The following MZT2B variants were observed in gnomAD, a reference collection of about 807,000 sequenced individuals.
MZT2B encodes the protein mitotic spindle organizing protein 2B.
Under a neutral mutation model 12.1 loss-of-function variants are expected in MZT2B, and 11 were observed. The observed-to-expected ratio is 0.91, with a 90% CI of 0.57 to 1.50. The LOEUF (loss-of-function observed/expected upper bound fraction) is 1.50, where lower values mean the gene tolerates loss of function less well. Among genes scored for constraint, MZT2B ranks in the 40% most tolerant of loss-of-function variants. The pLI, the probability that MZT2B is intolerant of heterozygous loss-of-function variation, is 0.00. For missense variants in MZT2B, 209 were observed against 227.7 expected (o/e 0.92, Z 0.53); for synonymous variants, 85 against 109.5 (o/e 0.78, Z 1.40).
chr2:130,190,624 T>A lies in MZT2B; in HGVS notation c.475T>A (p.Ter159LysextTer27), dbSNP rs1323318589. The A allele has an allele frequency of 1.2e-6, 2 of 1,603,984 alleles. No individual in the cohort carries two copies. Among genetic ancestry groups the A allele is most frequent in the Non-Finnish European group, 8.5e-7 (1 of 1,172,388 alleles). ...PGKSPTRGST* is the reference protein window; with the variant it reads ...PGKSPTRGSTK ...GAAGAGCCCTACACGGGGCAGCACC[T>A]AGGATGGGGCAGAGACTTGTTGCAT... is the stretch of plus-strand genomic sequence containing the variant. Residue 159 changes from the stop codon to lysine, a stop_lost, in exon 3 of 3, where the codon TAG (stop) becomes AAG (lysine). Transcript: ENST00000281871.
the MZT2B span, among the ~76,000 whole-genome samples, chr2:130,203,702 G>A: frequency 6.6e-6 from 1 of 152,092 alleles, no homozygotes; most frequent in Non-Finnish European, 1.5e-5. Context: ...TCCCACCTCA[G>A]CCTCCCAAAG....
downstream of MZT2B, chr2:130,194,060 G>C (rs768297311): frequency 8.7e-6 from 14 of 1,614,066 alleles, no homozygotes; most frequent in Non-Finnish European, 1.2e-5. Flanking sequence ...GCGGGGGTAC[G>C]GCACGAGGTT....
upstream of MZT2B, chr2:130,181,863 T>TG: frequency 1.4e-6 from 2 of 1,438,642 alleles, no homozygotes; most frequent in Non-Finnish European, 9.4e-7. Flanking sequence ...GCCCCCCCCT[T>TG]CCCCCCGCCC....
downstream of MZT2B, chr2:130,191,674 G>A (rs1010865143): frequency 1.9e-5 from 26 of 1,354,932 alleles, no homozygotes; most frequent in African/African-American, 5.9e-5. Context: ...GCACCCCACC[G>A]CTGTCCATGC....
At chr2:130,181,685 C>T, upstream of MZT2B, 2 of 1,548,340 alleles carry the variant, frequency 1.3e-6, no homozygotes, top group Non-Finnish European at 1.7e-6. Context: ...AAGGCGCGTG[C>T]GCAAAGCGAA....
the MZT2B span, among the ~76,000 whole-genome samples, chr2:130,203,048 C>CTTT: frequency 6.8e-5 from 8 of 118,518 alleles, no homozygotes; most frequent in East Asian, 2.5e-4. Flanking sequence ...TTTCTTTTTT[C>CTTT]TTTTTTTTTT....
chr2:130,184,945 C>T (rs1469657499), intron 2 of MZT2B: 2 of 952,148 alleles, frequency 2.1e-6, no homozygotes, highest in African/African-American at 3.5e-5. Flanking sequence ...CAGGTGGATC[C>T]CTTGAGCTCA....
the MZT2B span, among the ~76,000 whole-genome samples, chr2:130,202,040 A>G: frequency 6.6e-6 from 1 of 152,064 alleles, no homozygotes; most frequent in Non-Finnish European, 1.5e-5. Context: ...TAGACAGTGT[A>G]GAAAATTAGC....
the MZT2B span, chr2:130,204,291 C>A: frequency 3.9e-5 from 17 of 441,366 alleles, no homozygotes; most frequent in Non-Finnish European, 6.4e-5. Flanking sequence ...CAGAGCTCTA[C>A]TCCCAGAAGC....
intron 2 of MZT2B, among the ~76,000 whole-genome samples, chr2:130,186,248 C>T (rs1690060494): frequency 1.3e-5 from 2 of 152,114 alleles, no homozygotes; most frequent in East Asian, 3.9e-4. Flanking sequence ...TCAAGCTTGC[C>T]TCTGAGCTGC....
chr2:130,193,606 CAAAAA>C (rs34918027), downstream of MZT2B, among the ~76,000 whole-genome samples: 2 of 95,066 alleles, frequency 2.1e-5, no homozygotes, highest in East Asian at 3.0e-4. Flanking sequence ...AAGACTGTCT[CAAAAA>C]AAAAAAAAAA....
intron 2 of MZT2B, among the ~76,000 whole-genome samples, chr2:130,185,609 C>G (rs12616575): frequency 0.092 from 9,494 of 102,906 alleles, 2,348 homozygotes; most frequent in African/African-American, 0.3. Context: ...GAGCCCCACA[C>G]GTGTGAGCTG....
the MZT2B span, among the ~76,000 whole-genome samples, chr2:130,195,816 A>C: frequency 1.7e-3 from 264 of 152,376 alleles, 1 homozygote; most frequent in African/African-American, 6.1e-3. Flanking sequence ...AGCATAAGAG[A>C]ATGCACAGCA....
downstream of MZT2B, chr2:130,195,214 T>C (rs747058709): frequency 2.5e-6 from 4 of 1,613,988 alleles, no homozygotes; most frequent in Non-Finnish European, 3.4e-6. Context: ...TGTAGGTCCC[T>C]GTGCGCACTT....
upstream of MZT2B, chr2:130,181,752 C>A (rs372838290): frequency 1.3e-6 from 2 of 1,548,210 alleles, no homozygotes; most frequent in Admixed American, 2.0e-5. Context: ...AGGGAGTGGT[C>A]CTTAGCTGAA....
chr2:130,203,048 CTT>C, the MZT2B span, among the ~76,000 whole-genome samples: 3,011 of 118,166 alleles, frequency 0.025, 25 homozygotes, highest in African/African-American at 0.066. Context: ...TTTCTTTTTT[CTT>C]TTTTTTTTTT....
chr2:130,195,161 T>C (rs774198989), downstream of MZT2B: 1 of 1,613,918 alleles, frequency 6.2e-7, no homozygotes, highest in Non-Finnish European at 8.5e-7. Flanking sequence ...ACTGGCTGCA[T>C]CTTCCTTCCC....
At chr2:130,192,332 C>G (rs939023410), downstream of MZT2B, among the ~76,000 whole-genome samples, 4 of 152,138 alleles carry the variant, frequency 2.6e-5, no homozygotes, top group African/African-American at 9.7e-5. Flanking sequence ...AGGTAGCCAC[C>G]CTGGTGGGAT....
intron 2 of MZT2B, among the ~76,000 whole-genome samples, chr2:130,187,154 A>AATTG (rs1368580782): frequency 6.6e-6 from 1 of 151,478 alleles, no homozygotes; most frequent in Non-Finnish European, 1.5e-5. Context: ...ATTTTAGATT[A>AATTG]AAGTATTTGA....
Sources: gnomAD v4.1 joint callset for allele counts (sites outside exome capture counted in the v4.1 genomes callset) on GRCh38, gnomAD v4.1.1 for gene constraint, MANE v1.5 for transcripts, NCBI Gene and HGNC (gene_info 2026-07-23, HGNC 2026-07-21) for gene names.